PPP6R3: variants seen among roughly 807,000 people sequenced by gnomAD.
PPP6R3 encodes serine/threonine-protein phosphatase 6 regulatory subunit 3.
A neutral mutation model predicts 110.7 loss-of-function variants in PPP6R3; 38 were observed. That is an observed-to-expected ratio of 0.34 (90% CI 0.26 to 0.45). PPP6R3 has a LOEUF of 0.45. Among genes scored for constraint, PPP6R3 ranks in the 20% least tolerant of loss-of-function variants. PPP6R3 has a pLI of 1.00. For synonymous variants in PPP6R3, 369 were observed against 373.5 expected (o/e 0.99, Z 0.14); for missense variants, 870 against 1,062.4 (o/e 0.82, Z 2.52).
chr11:68,594,412 T>G (rs2099607104), intron 18 of PPP6R3, among the ~76,000 whole-genome samples: 2 of 152,084 alleles, frequency 1.3e-5, no homozygotes, highest in South Asian at 4.2e-4. Flanking sequence ...ATCCCAGCAC[T>G]TTGGGAGGCC....
intron 8 of PPP6R3, among the ~76,000 whole-genome samples, chr11:68,560,855 C>T (rs1387487529): frequency 6.6e-6 from 1 of 151,584 alleles, no homozygotes; most frequent in East Asian, 1.9e-4. Context: ...CTACACATAT[C>T]CTCCTGTGTA....
chr11:68,534,731 A>G lies in PPP6R3; in HGVS notation c.-6-2928A>G, dbSNP rs576184796. ...GTATTTTTCATACTTTGCCTTTAAT[A>G]CTAAGTGTGGGGAAGAGTAGTAAAA... On this transcript the variant is annotated intron_variant, in intron 2 of 23. Coordinates refer to ENST00000393800, the MANE Select transcript of PPP6R3 (RefSeq NM_001164161.2). 1.2e-3 allele frequency among the ~76,000 whole-genome samples: 186 copies of G among 152,282 alleles called. 1 individual carries two copies. The highest frequency in any genetic ancestry group is 4.3e-3 in the African/African-American group (177 of 41,550).
In PPP6R3 at chr11:68,487,531, C is replaced by CT. The variant is rs2098955672; in HGVS notation, c.-158+26705dup. On this transcript the variant is annotated intron_variant, in intron 1 of 23. Coordinates refer to ENST00000393800, the MANE Select transcript of PPP6R3 (RefSeq NM_001164161.2). The stretch of plus-strand genomic sequence containing the variant: ...GTTGCAGTGAATGTAGATTGCACCA[C>CT]TGCACTCCAGCCTGGGCAACACAGC... 2.6e-5 allele frequency among the ~76,000 whole-genome samples: 4 copies of CT among 151,532 alleles called. No individual in the cohort carries two copies. The South Asian group carries it at 8.3e-4, about 31-fold the overall frequency.
At chr11:68,470,057 T>A (rs895487217) in intron 1 of PPP6R3, among the ~76,000 whole-genome samples, 1 of 152,250 alleles carries the variant, frequency 6.6e-6, no homozygotes, top group African/African-American at 2.4e-5. Flanking sequence ...TTTGAGTACT[T>A]ACCATGTCTT....
At chr11:68,588,502 G>A (rs932034994) in intron 16 of PPP6R3, among the ~76,000 whole-genome samples, 5 of 151,820 alleles carry the variant, frequency 3.3e-5, no homozygotes, top group Admixed American at 2.0e-4. Flanking sequence ...CTGTTGCCCC[G>A]GCTGGAGTGC....
At chr11:68,463,628 C>T (rs2098724156) in intron 1 of PPP6R3, among the ~76,000 whole-genome samples, 1 of 152,160 alleles carries the variant, frequency 6.6e-6, no homozygotes, top group African/African-American at 2.4e-5. Flanking sequence ...TCAACTAAAA[C>T]TCAGCATTGA....
chr11:68,574,648 G>T (rs1392354902), intron 13 of PPP6R3, among the ~76,000 whole-genome samples: 1 of 152,154 alleles, frequency 6.6e-6, no homozygotes, highest in African/African-American at 2.4e-5. Context: ...GAATATTAGG[G>T]CATTTATCAG....
intron 10 of PPP6R3, among the ~76,000 whole-genome samples, chr11:68,568,845 A>G (rs1481393454): frequency 6.6e-6 from 1 of 151,854 alleles, no homozygotes; most frequent in African/African-American, 2.4e-5. Flanking sequence ...GCTCACTGCA[A>G]GCTCCGCCTC....
intron 14 of PPP6R3, among the ~76,000 whole-genome samples, chr11:68,582,159 C>A (rs1161174435): frequency 6.6e-6 from 1 of 152,200 alleles, no homozygotes; most frequent in Non-Finnish European, 1.5e-5. Context: ...CTGCCCAAAA[C>A]ACTTCTGTGA....
intron 1 of PPP6R3, among the ~76,000 whole-genome samples, chr11:68,475,160 A>T (rs867762892): frequency 1.3e-5 from 2 of 152,192 alleles, no homozygotes; most frequent in Non-Finnish European, 2.9e-5. Context: ...AACAAAGCAC[A>T]TCTTGCACCG....
At chr11:68,512,039 G>A (rs1168176970) in intron 1 of PPP6R3, among the ~76,000 whole-genome samples, 4 of 152,120 alleles carry the variant, frequency 2.6e-5, no homozygotes, top group African/African-American at 4.8e-5. Flanking sequence ...GTTGCCAGTA[G>A]TTTTCAGTGA....
intron 1 of PPP6R3, among the ~76,000 whole-genome samples, chr11:68,511,492 G>GTGTT (rs1359347767): frequency 2.1e-5 from 3 of 141,658 alleles, no homozygotes; most frequent in Admixed American, 2.1e-4. Context: ...GTGTGTGTGT[G>GTGTT]TGTTTTGAGT....
In PPP6R3 at chr11:68,608,634, G is replaced by A. The variant is rs139319514; in HGVS notation, c.2451-1270G>A. 9.8e-5 allele frequency among the ~76,000 whole-genome samples: 15 copies of A among 152,316 alleles called. No individual in the cohort carries two copies. In the East Asian group the frequency reaches 2.1e-3, roughly 22 times the overall value. Reference sequence around the variant, plus strand: ...AGCACCCTGCATGGAAGTGTGAGGTGGAGGGCAGCTTTGGTTGGGAGAAGC... The same window carrying A: ...AGCACCCTGCATGGAAGTGTGAGGTAGAGGGCAGCTTTGGTTGGGAGAAGC... On this transcript the variant is annotated intron_variant, in intron 22 of 23. Coordinates refer to ENST00000393800, the MANE Select transcript of PPP6R3 (RefSeq NM_001164161.2).
intron 7 of PPP6R3, among the ~76,000 whole-genome samples, chr11:68,554,741 A>G (rs1261873413): frequency 3.3e-5 from 5 of 152,152 alleles, no homozygotes. Context: ...ACATGTTTTT[A>G]AAAAGAATGT....
chr11:68,523,891 TTG>T (rs965523404), intron 2 of PPP6R3, among the ~76,000 whole-genome samples: 2 of 152,172 alleles, frequency 1.3e-5, no homozygotes, highest in African/African-American at 2.4e-5. Context: ...CTTTATTTTG[TTG>T]TGTTACTAGA....
intron 1 of PPP6R3, among the ~76,000 whole-genome samples, chr11:68,487,412 T>C (rs1184793278): frequency 1.3e-5 from 2 of 151,880 alleles, no homozygotes; most frequent in Non-Finnish European, 2.9e-5. Flanking sequence ...CCACTAAAAA[T>C]ACAAAAATTA....
rs533682354 is a variant in PPP6R3, at chr11:68,598,742, G to A, written c.2039-1599G>A. Among the ~76,000 whole-genome samples, 8 of 152,362 alleles carry A rather than the reference G, an allele frequency of 5.3e-5. No individual in the cohort carries two copies. In the East Asian group the frequency reaches 1.5e-3, roughly 29 times the overall value. ...AAGAGATAACAGAAAAGTCATTTGT[G>A]TGTAATATAATTTAGTTGTAGAGTA... On this transcript the variant is annotated intron_variant, in intron 19 of 23. Transcript: ENST00000393800.
intron 15 of PPP6R3, among the ~76,000 whole-genome samples, chr11:68,583,651 T>G (rs1253208348): frequency 6.6e-6 from 1 of 152,194 alleles, no homozygotes; most frequent in Non-Finnish European, 1.5e-5. Flanking sequence ...ACCACCTGCT[T>G]ATAATCTTTG....
chr11:68,570,967 C>A, intron 11 of PPP6R3, 73 bp from the exon 12 acceptor site: 1 of 1,518,600 alleles, frequency 6.6e-7, no homozygotes, highest in Non-Finnish European at 8.8e-7. Context: ...TCTCTTTAAC[C>A]TAGAGTTCTG....
Sources: gnomAD v4.1 joint callset for allele counts (sites outside exome capture counted in the v4.1 genomes callset) on GRCh38, gnomAD v4.1.1 for gene constraint, MANE v1.5 for transcripts, NCBI Gene and HGNC (gene_info 2026-07-23, HGNC 2026-07-21) for gene names.